AIDA: variants seen among roughly 807,000 people sequenced by gnomAD.
The protein encoded by AIDA is axin interactor, dorsalization associated.
AIDA carries 18 observed loss-of-function variants against 42.7 expected under a neutral mutation model. The ratio of observed to expected loss-of-function variants is 0.42; its 90% CI spans 0.29 to 0.63. AIDA has a LOEUF of 0.63. AIDA is among the 20% of genes least tolerant of loss of function. The probability of loss-of-function intolerance (pLI) is 0.19; values close to 1 mark genes in which losing one functional copy is unlikely to be tolerated. For missense variants in AIDA, 250 were observed against 354.1 expected, an observed-to-expected ratio of 0.71 and a Z score of 2.36; for synonymous variants, 104 against 122.9, an observed-to-expected ratio of 0.85 and a Z score of 1.02.
At position 222,674,998 on chromosome 1, in the gene AIDA, CT is replaced by C. The variant is rs374364004; in HGVS notation, c.583+1097del. 1.5e-3 allele frequency among the ~76,000 whole-genome samples: 226 copies of C among 152,280 alleles called. 6 individuals carry two copies. The South Asian group carries it at 0.021, about 14-fold the overall frequency. On this transcript the variant is annotated intron_variant, in intron 7 of 9. Coordinates refer to ENST00000340020, the MANE Select transcript of AIDA (RefSeq NM_022831.4). ...CAAACTATAATGTAGAGTATATATACTTTCCAGTAGGCCATATATTTGATAC... is the reference window on the plus strand; with the variant it reads ...CAAACTATAATGTAGAGTATATATACTTCCAGTAGGCCATATATTTGATAC...
intron 8 of AIDA, among the ~76,000 whole-genome samples, chr1:222,671,343 C>T (rs1664445525): frequency 6.6e-6 from 1 of 152,150 alleles, no homozygotes; most frequent in African/African-American, 2.4e-5. Context: ...GTTGCCTCAT[C>T]AATGTGGCCA....
At chr1:222,709,015 A>G (rs1469723513) in intron 1 of AIDA, among the ~76,000 whole-genome samples, 1 of 152,238 alleles carries the variant, frequency 6.6e-6, no homozygotes, top group Non-Finnish European at 1.5e-5. Flanking sequence ...CACTAAGTAT[A>G]CAGTAGAGAA....
chr1:222,680,599 G>A (rs1664636349), intron 6 of AIDA, among the ~76,000 whole-genome samples: 2 of 152,142 alleles, frequency 1.3e-5, no homozygotes, highest in Non-Finnish European at 2.9e-5. Context: ...TATTAATATG[G>A]TTGTACCTGG....
chr1:222,706,173 C>A (rs993514187), intron 1 of AIDA, among the ~76,000 whole-genome samples: 2 of 152,132 alleles, frequency 1.3e-5, no homozygotes, highest in Admixed American at 1.3e-4. Context: ...AAGACAATAA[C>A]AAATGCTGGT....
At chr1:222,703,265 T>C in intron 1 of AIDA, 48 bp from the exon 2 acceptor site, 1 of 1,366,818 alleles carries the variant, frequency 7.3e-7, no homozygotes, top group Non-Finnish European at 1.0e-6. Context: ...AGCAAACTAC[T>C]GCAACAAAGT....
At chr1:222,674,820 T>C (rs1664516123) in intron 7 of AIDA, among the ~76,000 whole-genome samples, 2 of 152,340 alleles carry the variant, frequency 1.3e-5, no homozygotes, top group South Asian at 2.1e-4. Flanking sequence ...ATATAGTACA[T>C]TGATTGTTTC....
intron 1 of AIDA, among the ~76,000 whole-genome samples, chr1:222,707,691 CG>C (rs915508610): frequency 5.1e-4 from 77 of 152,266 alleles, no homozygotes; most frequent in African/African-American, 1.6e-3. Context: ...ACAAGTAAAA[CG>C]GGACTATTCT....
intron 2 of AIDA, among the ~76,000 whole-genome samples, chr1:222,696,386 A>G (rs1655523159): frequency 6.6e-6 from 1 of 152,246 alleles, no homozygotes; most frequent in East Asian, 1.9e-4. Context: ...ACAACTACTG[A>G]GCACTTACTA....
At chr1:222,686,807 C>T in intron 6 of AIDA, 123 bp downstream of exon 6, 1 of 1,208,728 alleles carries the variant, frequency 8.3e-7, no homozygotes, top group Non-Finnish European at 1.1e-6. Context: ...ATAAAATTTG[C>T]CTAAGATTGG....
chr1:222,670,484 A>C (rs1177392184), intron 8 of AIDA, among the ~76,000 whole-genome samples: 1 of 152,176 alleles, frequency 6.6e-6, no homozygotes, highest in African/African-American at 2.4e-5. Flanking sequence ...AACTATAGCA[A>C]AACTTCTTGA....
At chr1:222,675,704 G>A (rs1225654336) in intron 7 of AIDA, among the ~76,000 whole-genome samples, 14 of 152,126 alleles carry the variant, frequency 9.2e-5, no homozygotes, top group Admixed American at 7.2e-4. Context: ...AGGAGGAATC[G>A]GGAAACAGAA....
chr1:222,678,200 G>GGTGT lies in AIDA; in HGVS notation c.461-1986_461-1983dup, dbSNP rs71732365. On this transcript the variant is annotated intron_variant, in intron 6 of 9. Coordinates refer to ENST00000340020, the MANE Select transcript of AIDA (RefSeq NM_022831.4). ...TTTAAGAGCTATTTGTATATCTTGG[G>GGTGT]GTGTGTGTGTGTGTGTGTGTGTGTG... 4.2e-3 allele frequency among the ~76,000 whole-genome samples: 605 copies of GGTGT among 145,384 alleles called. 6 individuals carry two copies. Among genetic ancestry groups the GGTGT allele is most frequent in the African/African-American group, 0.011 (415 of 39,028 alleles).
intron 1 of AIDA, among the ~76,000 whole-genome samples, chr1:222,711,101 G>T (rs997701342): frequency 1.3e-5 from 2 of 151,302 alleles, no homozygotes; most frequent in African/African-American, 2.4e-5. Flanking sequence ...GATGGGGGGT[G>T]GGGGAGGCCG....
intron 6 of AIDA, among the ~76,000 whole-genome samples, chr1:222,685,634 T>C (rs1348664796): frequency 6.6e-6 from 1 of 152,216 alleles, no homozygotes; most frequent in African/African-American, 2.4e-5. Context: ...ATAAAAACTG[T>C]ACTTTATAAG....
intron 5 of AIDA, 107 bp downstream of exon 5, chr1:222,687,488 T>C (rs1464018463): frequency 1.1e-6 from 1 of 922,638 alleles, no homozygotes; most frequent in Admixed American, 2.8e-5. Context: ...TCATTGTTGA[T>C]GTCAATGATA....
At chr1:222,705,481 T>C (rs1437783615) in intron 1 of AIDA, among the ~76,000 whole-genome samples, 1 of 152,170 alleles carries the variant, frequency 6.6e-6, no homozygotes, top group Non-Finnish European at 1.5e-5. Context: ...GTGGTGGCCA[T>C]CAACCTAAGC....
At chr1:222,688,781 T>C (rs959899176) in intron 4 of AIDA, among the ~76,000 whole-genome samples, 12 of 152,184 alleles carry the variant, frequency 7.9e-5, no homozygotes, top group East Asian at 3.9e-4. Flanking sequence ...TGTATTTTTA[T>C]AGAGACGGAG....
chr1:222,681,119 CTG>C (rs1367567361), intron 6 of AIDA, among the ~76,000 whole-genome samples: 2 of 152,028 alleles, frequency 1.3e-5, no homozygotes, highest in Non-Finnish European at 2.9e-5. Flanking sequence ...CTCAAGAAAA[CTG>C]TTTCTGCTGT....
At chr1:222,688,624 G>C (rs1655263987) in intron 4 of AIDA, among the ~76,000 whole-genome samples, 1 of 149,640 alleles carries the variant, frequency 6.7e-6, no homozygotes, top group Non-Finnish European at 1.5e-5. Context: ...TTTTGAGACA[G>C]AGTCTCGCTC....
Sources: gnomAD v4.1 joint callset for allele counts (sites outside exome capture counted in the v4.1 genomes callset) on GRCh38, gnomAD v4.1.1 for gene constraint, MANE v1.5 for transcripts, NCBI Gene and HGNC (gene_info 2026-07-23, HGNC 2026-07-21) for gene names.